CADPS2: variants seen among roughly 807,000 people sequenced by gnomAD.
The protein encoded by CADPS2 is calcium dependent secretion activator 2.
In CADPS2, 93 loss-of-function variants were observed where a neutral mutation model predicts 172.5. The ratio of observed to expected loss-of-function variants is 0.54; its 90% CI spans 0.46 to 0.64. CADPS2 has a LOEUF of 0.64. Among genes scored for constraint, CADPS2 ranks in the 30% least tolerant of loss-of-function variants. CADPS2 has a pLI of 0.00. For synonymous variants in CADPS2, 546 were observed against 555.2 expected (o/e 0.98, Z 0.23); for missense variants, 1,420 against 1,565.9 (o/e 0.91, Z 1.57).
At chr7:122,752,970 T>A (rs908932925) in intron 1 of CADPS2, among the ~76,000 whole-genome samples, 1 of 151,824 alleles carries the variant, frequency 6.6e-6, no homozygotes, top group Non-Finnish European at 1.5e-5. Context: ...TAAATGGGAG[T>A]TCTTAATAAG....
At chr7:122,689,349 G>A (rs866663174) in intron 2 of CADPS2, among the ~76,000 whole-genome samples, 2 of 152,126 alleles carry the variant, frequency 1.3e-5, no homozygotes, top group Non-Finnish European at 2.9e-5. Flanking sequence ...AAGGCCATCC[G>A]GTTTTGTAGC....
chr7:122,491,009 C>A, intron 10 of CADPS2, among the ~76,000 whole-genome samples: 1 of 152,210 alleles, frequency 6.6e-6, no homozygotes, highest in East Asian at 1.9e-4. Context: ...TCTGCTATAA[C>A]TTTTGCTTTC....
intron 1 of CADPS2, among the ~76,000 whole-genome samples, chr7:122,843,230 AGTTG>A (rs1281934785): frequency 6.6e-6 from 1 of 152,004 alleles, no homozygotes; most frequent in African/African-American, 2.4e-5. Flanking sequence ...ACATCATAAG[AGTTG>A]CTTTTTTTTT....
chr7:122,348,926 G>A (rs17462307), intron 27 of CADPS2, among the ~76,000 whole-genome samples: 19,408 of 152,056 alleles, frequency 0.13, 1,605 homozygotes, highest in Non-Finnish European at 0.18. Flanking sequence ...AGACATTATC[G>A]CTGGTTCAAT....
intron 1 of CADPS2, among the ~76,000 whole-genome samples, chr7:122,842,923 C>A (rs17684427): frequency 0.016 from 2,363 of 152,144 alleles, 23 homozygotes; most frequent in Non-Finnish European, 0.024. Context: ...AGCTAGGGAG[C>A]CTTCAAAGCC....
At position 122,708,974 on chromosome 7, in the gene CADPS2, T is replaced by C. The variant is rs868624128; in HGVS notation, c.453+27981A>G. 3.9e-5 allele frequency among the ~76,000 whole-genome samples: 6 copies of C among 152,038 alleles called. No individual in the cohort carries two copies. The East Asian group carries it at 9.7e-4, about 24-fold the overall frequency. ...TATTATCTTTGAGCTCGGAACAAAA[T>C]GTATCTTCATATTAACTCAACCATT... On this transcript the variant is annotated intron_variant, in intron 2 of 29. Coordinates refer to ENST00000449022, the MANE Select transcript of CADPS2 (RefSeq NM_017954.11).
At chr7:122,682,274 C>T (rs2083138384) in intron 2 of CADPS2, among the ~76,000 whole-genome samples, 1 of 152,130 alleles carries the variant, frequency 6.6e-6, no homozygotes, top group Admixed American at 6.5e-5. Flanking sequence ...GAAAAGGGAG[C>T]AACGGAATGG....
Position 122,736,981 on chromosome 7 carries a change from A to C in CADPS2, c.427T>G (p.Cys143Gly), listed in dbSNP as rs375896798. ...TCATAATAACTCCGAACTGCGTTGC[A>C]AAATGCTTCGTCAGCTACAATTTGG... is the stretch of plus-strand genomic sequence containing the variant. ...ETQIVADEAF[C>G]NAVRSYYEVF... The change falls in exon 2 of 30, where the codon TGC (cysteine) becomes GGC (glycine). Residue 143 changes from cysteine to glycine, a missense_variant. Transcript: ENST00000449022. 1 of 1,611,322 alleles carries C rather than the reference A, an allele frequency of 6.2e-7. No individual in the cohort carries two copies.
At chr7:122,383,863 T>A (rs1052140226) in intron 24 of CADPS2, among the ~76,000 whole-genome samples, 1 of 152,136 alleles carries the variant, frequency 6.6e-6, no homozygotes, top group Non-Finnish European at 1.5e-5. Flanking sequence ...AATGGATGCA[T>A]TTTAATTTAA....
rs548673550 is a variant in CADPS2 at position 122,762,027 on chromosome 7, TATACACAC to T, written c.340-24967_340-24960del. On this transcript the variant is annotated intron_variant, in intron 1 of 29. Coordinates refer to ENST00000449022, the MANE Select transcript of CADPS2 (RefSeq NM_017954.11). ...AAAAAAAAAAAAATATATATATATA[TATACACAC>T]ACACACACACACACACACACACGTA... Among the ~76,000 whole-genome samples, 129 of 69,806 alleles carry T rather than the reference TATACACAC, an allele frequency of 1.8e-3. 2 individuals are homozygous for T. Among genetic ancestry groups the T allele is most frequent in the South Asian group, 0.011 (19 of 1,692 alleles). The allele number at this position is 69,806 out of a possible 152,430, so 45.8% of individuals were successfully genotyped here.
At chr7:122,514,579 A>G (rs777022189) in intron 8 of CADPS2, among the ~76,000 whole-genome samples, 13 of 152,070 alleles carry the variant, frequency 8.5e-5, no homozygotes, top group Non-Finnish European at 1.6e-4. Context: ...ACATCTTGGG[A>G]GATGATCTTC....
At chr7:122,857,211 G>T (rs191564289) in intron 1 of CADPS2, among the ~76,000 whole-genome samples, 28 of 152,198 alleles carry the variant, frequency 1.8e-4, no homozygotes, top group African/African-American at 5.5e-4. Context: ...TGATAAGGAT[G>T]AACTGCTCAG....
At chr7:122,426,897 A>G (rs998432016) in intron 17 of CADPS2, among the ~76,000 whole-genome samples, 2 of 152,192 alleles carry the variant, frequency 1.3e-5, no homozygotes, top group Non-Finnish European at 2.9e-5. Flanking sequence ...ATATAAAAGT[A>G]AAAAAACAAC....
At chr7:122,615,894 G>GA (rs1246897971) in intron 5 of CADPS2, among the ~76,000 whole-genome samples, 1 of 151,800 alleles carries the variant, frequency 6.6e-6, no homozygotes, top group African/African-American at 2.4e-5. Flanking sequence ...AACTTGGTAA[G>GA]AAAAAATATT....
intron 1 of CADPS2, among the ~76,000 whole-genome samples, chr7:122,828,384 A>G (rs1805562526): frequency 6.6e-6 from 1 of 151,556 alleles, no homozygotes; most frequent in Non-Finnish European, 1.5e-5. Context: ...GTTTTTTGTA[A>G]GCTTAGAACT....
chr7:122,441,515 T>A lies in CADPS2; in HGVS notation c.2349A>T (p.Glu783Asp). Reference sequence around the variant, plus strand: ...ATAAAGTAATGTTCAAACATACCCTTTCAAGTAATGAAAGTGTAGCTTTTA... The same window carrying A: ...ATAAAGTAATGTTCAAACATACCCTATCAAGTAATGAAAGTGTAGCTTTTA... ...GALKATLSLL[E>D]RVLMKDIATP... The change falls in exon 16 of 30, where the codon GAA becomes GAT. Residue 783 changes from glutamate to aspartate, a missense_variant. Coordinates refer to ENST00000449022, the MANE Select transcript of CADPS2 (RefSeq NM_017954.11). 2 of 1,528,856 alleles carry A rather than the reference T, an allele frequency of 1.3e-6. No homozygotes were observed. The highest frequency in any genetic ancestry group is 1.8e-6 in the Non-Finnish European group (2 of 1,137,620). The allele number at this position is 1,528,856 out of a possible 1,614,324, so 94.7% of individuals were successfully genotyped here.
chr7:122,480,164 T>C (rs2057120151), intron 12 of CADPS2: 2 of 468,080 alleles, frequency 4.3e-6, no homozygotes, highest in Non-Finnish European at 8.9e-6. Flanking sequence ...TCTCTTCCCT[T>C]AGAATTTTTA....
intron 1 of CADPS2, among the ~76,000 whole-genome samples, chr7:122,796,015 C>T (rs1796302677): frequency 6.6e-6 from 1 of 151,262 alleles, no homozygotes. Flanking sequence ...AGTAAAGTCT[C>T]AGGATACAAA....
Position 122,387,189 on chromosome 7 carries a change from T to C in CADPS2, c.3165-16A>G. The C allele has an allele frequency of 6.4e-7, 1 of 1,566,222 alleles. No individual in the cohort carries two copies. The highest frequency in any genetic ancestry group is 8.7e-7 in the Non-Finnish European group (1 of 1,153,328). On this transcript the variant is annotated splice_polypyrimidine_tract_variant and intron_variant, in intron 23 of 29. Coordinates refer to ENST00000449022, the MANE Select transcript of CADPS2 (RefSeq NM_017954.11). The stretch of plus-strand genomic sequence containing the variant: ...AGTTCTTGTTCTAGTTTTTAAAACA[T>C]GAATTCAGAGTAAGAAATTCTGCTA...
Sources: gnomAD v4.1 joint callset for allele counts (sites outside exome capture counted in the v4.1 genomes callset) on GRCh38, gnomAD v4.1.1 for gene constraint, MANE v1.5 for transcripts, NCBI Gene and HGNC (gene_info 2026-07-23, HGNC 2026-07-21) for gene names.